The following PPP1R9A variants were observed in gnomAD, a reference collection of about 807,000 sequenced individuals.
The protein encoded by PPP1R9A is neurabin-1.
Under a neutral mutation model 141.9 loss-of-function variants are expected in PPP1R9A, and 59 were observed. The ratio of observed to expected loss-of-function variants is 0.42; its 90% CI spans 0.34 to 0.52. The LOEUF is 0.52. Ranked by LOEUF, PPP1R9A falls within the 20% of genes least tolerant of loss-of-function variation. PPP1R9A has a pLI of 0.10. For synonymous variants in PPP1R9A, 500 were observed against 569.7 expected, an observed-to-expected ratio of 0.88 and a Z score of 1.74; for missense variants, 1,444 against 1,611.9, an observed-to-expected ratio of 0.90 and a Z score of 1.78.
intron 7 of PPP1R9A, among the ~76,000 whole-genome samples, chr7:95,206,856 T>C (rs1790911160): frequency 6.6e-6 from 1 of 152,192 alleles, no homozygotes; most frequent in Non-Finnish European, 1.5e-5. Flanking sequence ...GTCCACCTGA[T>C]ATGGGATGCC....
At position 95,268,838 on chromosome 7, in the gene PPP1R9A, G is replaced by A. The variant is rs980654714; in HGVS notation, c.2823+131G>A. On this transcript the variant is annotated intron_variant, in intron 13 of 19. Coordinates refer to ENST00000433360, the MANE Select transcript of PPP1R9A (RefSeq NM_001166160.2). ...TTGGTAAGCAGCTAGAATAGTTCAC[G>A]TCTTTGTCTCCTGAATTCTTTATAT... The A allele has an allele frequency of 3.9e-5, 41 of 1,058,178 alleles. No individual in the cohort carries two copies. The Middle Eastern group carries it at 1.8e-3, about 45-fold the overall frequency. The allele number at this position is 1,058,178 out of a possible 1,614,324, so 65.5% of individuals were successfully genotyped here.
intron 5 of PPP1R9A, among the ~76,000 whole-genome samples, chr7:95,195,942 C>G (rs1468093288): frequency 6.6e-6 from 1 of 152,060 alleles, no homozygotes; most frequent in African/African-American, 2.4e-5. Flanking sequence ...GTTAGCTACT[C>G]AGAAGGCTGA....
At chr7:95,027,572 G>C (rs1243691662) in intron 2 of PPP1R9A, among the ~76,000 whole-genome samples, 1 of 152,168 alleles carries the variant, frequency 6.6e-6, no homozygotes, top group Non-Finnish European at 1.5e-5. Context: ...CATTTTTATA[G>C]TCATGTGTCA....
intron 2 of PPP1R9A, among the ~76,000 whole-genome samples, chr7:95,059,925 A>G (rs1811999126): frequency 6.6e-6 from 1 of 152,080 alleles, no homozygotes; most frequent in Admixed American, 6.6e-5. Flanking sequence ...ACTCTGAAAA[A>G]TGTGTGGTTG....
chr7:95,261,169 T>G (rs1213531529), intron 12 of PPP1R9A, among the ~76,000 whole-genome samples: 1 of 152,160 alleles, frequency 6.6e-6, no homozygotes, highest in Non-Finnish European at 1.5e-5. Flanking sequence ...TGGGTCACAG[T>G]GTTCACGTAA....
At chr7:95,118,226 C>T (rs764852768) in intron 3 of PPP1R9A, among the ~76,000 whole-genome samples, 11 of 151,984 alleles carry the variant, frequency 7.2e-5, no homozygotes, top group Middle Eastern at 3.4e-3. Flanking sequence ...GTTTCTGTGG[C>T]GAAACTTTAA....
chr7:95,177,662 A>G (rs1462752193), intron 5 of PPP1R9A, among the ~76,000 whole-genome samples: 1 of 152,164 alleles, frequency 6.6e-6, no homozygotes, highest in Non-Finnish European at 1.5e-5. Context: ...AAAGACTCAC[A>G]TAAACTTAAA....
intron 2 of PPP1R9A, among the ~76,000 whole-genome samples, chr7:95,067,316 A>C (rs1813084908): frequency 6.6e-6 from 1 of 152,214 alleles, no homozygotes; most frequent in Non-Finnish European, 1.5e-5. Context: ...TAGTTGGCTC[A>C]GTGCCTAGAG....
chr7:95,111,541 A>G (rs1388417372), intron 3 of PPP1R9A, 150 bp downstream of exon 3: 10 of 874,800 alleles, frequency 1.1e-5, no homozygotes, highest in African/African-American at 1.7e-5. Context: ...AATAGTTGAT[A>G]TGGATTCTGA....
At chr7:95,070,610 T>TATATATATATATACAC (rs1321187469) in intron 2 of PPP1R9A, among the ~76,000 whole-genome samples, 7 of 94,120 alleles carry the variant, frequency 7.4e-5, no homozygotes, top group Non-Finnish European at 2.9e-5. Flanking sequence ...TATATATATA[T>TATATATATATATACAC]ACACACACAC....
intron 2 of PPP1R9A, among the ~76,000 whole-genome samples, chr7:94,912,441 C>A (rs1000777336): frequency 5.3e-5 from 8 of 152,132 alleles, no homozygotes. Flanking sequence ...CTTGGGGAAT[C>A]TGGAAGGTTA....
chr7:95,165,869 C>T (rs1831159946), intron 5 of PPP1R9A, among the ~76,000 whole-genome samples: 1 of 152,058 alleles, frequency 6.6e-6, no homozygotes, highest in Non-Finnish European at 1.5e-5. Context: ...AAAATTGGGT[C>T]AGGCGCAGTG....
In PPP1R9A at chr7:95,120,801, A is replaced by G; in HGVS notation, c.1618A>G (p.Thr540Ala). Residue 540 changes from threonine to alanine, a missense_variant, in exon 4 of 20, where the codon ACA becomes GCA. By Grantham distance (58) the Thr-to-Ala change is moderately conservative (BLOSUM62 0). This residue lies in a region of PPP1R9A where 488 missense variants were observed against 542.0 expected (regional missense o/e 0.90). Coordinates refer to ENST00000433360, the MANE Select transcript of PPP1R9A (RefSeq NM_001166160.2). Reference protein sequence around the residue: ...EKLGIFVKTVTEGGAAQRDGR... With the variant: ...EKLGIFVKTVAEGGAAQRDGR... ...GCTGGGAATATTCGTCAAGACAGTA[A>G]CAGAAGGTGGTGCTGCTCAACGGGA... The G allele has an allele frequency of 6.2e-7, 1 of 1,614,022 alleles. No individual in the cohort carries two copies. The highest frequency in any genetic ancestry group is 8.5e-7 in the Non-Finnish European group (1 of 1,179,950).
chr7:95,230,579 A>G lies in PPP1R9A; in HGVS notation c.2112+4463A>G, dbSNP rs150483008. Among the ~76,000 whole-genome samples, 122 of 152,260 alleles carry G rather than the reference A, an allele frequency of 8.0e-4. 2 individuals carry two copies. In the East Asian group the frequency reaches 0.023, roughly 28 times the overall value. ...AAAGAACTTGAAGACAAGGCTTTCAAATTAACCCAGTCCACCAAAGACAAA... is the reference window on the plus strand; with the variant it reads ...AAAGAACTTGAAGACAAGGCTTTCAGATTAACCCAGTCCACCAAAGACAAA... On this transcript the variant is annotated intron_variant, in intron 8 of 19. Coordinates refer to ENST00000433360, the MANE Select transcript of PPP1R9A (RefSeq NM_001166160.2).
chr7:94,948,889 T>C (rs1015739695), intron 2 of PPP1R9A, among the ~76,000 whole-genome samples: 1 of 152,126 alleles, frequency 6.6e-6, no homozygotes, highest in African/African-American at 2.4e-5. Flanking sequence ...TTATTCATTT[T>C]GTGTCAAGGG....
chr7:95,264,700 T>A (rs1585533212), intron 12 of PPP1R9A, among the ~76,000 whole-genome samples: 3 of 152,206 alleles, frequency 2.0e-5, no homozygotes, highest in African/African-American at 7.2e-5. Context: ...TATCTGTCTG[T>A]ATTTATTGAT....
intron 8 of PPP1R9A, among the ~76,000 whole-genome samples, chr7:95,246,773 T>C (rs1585439452): frequency 6.6e-6 from 1 of 151,688 alleles, no homozygotes; most frequent in East Asian, 2.0e-4. Flanking sequence ...CTTCTTCCCT[T>C]ACAAAGAAAA....
intron 2 of PPP1R9A, among the ~76,000 whole-genome samples, chr7:94,996,999 T>C (rs1422167295): frequency 6.6e-6 from 1 of 152,122 alleles, no homozygotes; most frequent in African/African-American, 2.4e-5. Flanking sequence ...ACACGGGGTT[T>C]CACCATGTTG....
rs893466317 is a variant in PPP1R9A at position 95,296,169 on chromosome 7, G to A, written c.*5866G>A. The A allele has an allele frequency of 1.3e-5, 2 of 152,558 alleles. No individual in the cohort carries two copies. Among genetic ancestry groups the A allele is most frequent in the African/African-American group, 2.4e-5 (1 of 41,450 alleles). The allele number at this position is 152,558 out of a possible 1,614,324, so 9.5% of individuals were successfully genotyped here. On this transcript the variant is annotated 3_prime_UTR_variant, in exon 20 of 20. Transcript: ENST00000433360. ...GAGACAATAGTGCCACGTCTGAATT[G>A]TTCTCTTGTGCTTGGTTAATATGTA...
Sources: allele counts gnomAD v4.1 joint callset (sites outside exome capture counted in the v4.1 genomes callset), GRCh38; gene constraint gnomAD v4.1.1; regional missense constraint gnomAD v4.1.1; transcripts MANE v1.5; gene names NCBI Gene and HGNC (gene_info 2026-07-23, HGNC 2026-07-21).